Variants in PRKDC observed in about 807,000 individuals in gnomAD.
PRKDC encodes protein kinase, DNA-activated, catalytic subunit.
A neutral mutation model predicts 486.9 loss-of-function variants in PRKDC; 82 were observed. That is an observed-to-expected ratio of 0.17 (90% confidence interval 0.14 to 0.20). The LOEUF (loss-of-function observed/expected upper bound fraction) is 0.20, where lower values mean the gene tolerates loss of function less well. Among genes scored for constraint, PRKDC ranks in the 10% least tolerant of loss-of-function variants. The pLI, the probability that PRKDC is intolerant of heterozygous loss-of-function variation, is 1.00. For synonymous variants in PRKDC, 1,895 were observed against 1,837.0 expected, an observed-to-expected ratio of 1.03 and a Z score of -0.81; for missense variants, 4,504 against 5,038.2, an observed-to-expected ratio of 0.89 and a Z score of 3.21.
At chr8:47,915,653 T>A (rs2089971991) in intron 22 of PRKDC, among the ~76,000 whole-genome samples, 1 of 152,218 alleles carries the variant, frequency 6.6e-6, no homozygotes, top group Non-Finnish European at 1.5e-5. Flanking sequence ...ACACAGAAAC[T>A]ATGTAAATAG....
chr8:47,929,226 CTG>C (rs2090209127), intron 18 of PRKDC, 48 bp from the exon 19 acceptor site: 2 of 1,300,290 alleles, frequency 1.5e-6, no homozygotes, highest in Middle Eastern at 1.8e-4. Flanking sequence ...AATCGGGAGA[CTG>C]TATCCCAATC....
chr8:47,934,240 T>A, intron 14 of PRKDC, 150 bp from the exon 15 acceptor site: 1 of 1,040,506 alleles, frequency 9.6e-7, no homozygotes, highest in South Asian at 2.2e-5. Flanking sequence ...TAAAAAAGCA[T>A]AATTTAAAAA....
At chr8:47,799,484 C>G in intron 71 of PRKDC, 94 bp from the exon 72 acceptor site, 1 of 1,169,014 alleles carries the variant, frequency 8.6e-7, no homozygotes, top group Non-Finnish European at 1.1e-6. Context: ...ATAAATGGAT[C>G]AACAGCTCCA....
At chr8:47,934,685 T>C (rs1415976933) in intron 14 of PRKDC, among the ~76,000 whole-genome samples, 1 of 152,214 alleles carries the variant, frequency 6.6e-6, no homozygotes, top group African/African-American at 2.4e-5. Flanking sequence ...CAATCTTTCA[T>C]CTCATCATAT....
intron 29 of PRKDC, 134 bp from the exon 30 acceptor site, chr8:47,897,428 T>A: frequency 4.7e-6 from 4 of 858,956 alleles, no homozygotes; most frequent in Non-Finnish European, 6.6e-6. Context: ...ATTCGACTTA[T>A]TTTTAATGTA....
intron 26 of PRKDC, among the ~76,000 whole-genome samples, chr8:47,904,129 G>A (rs1168066170): frequency 2.6e-5 from 4 of 152,130 alleles, no homozygotes; most frequent in South Asian, 2.1e-4. Flanking sequence ...GTGAGCTGGC[G>A]ACCAAATTCT....
At position 47,921,028 on chromosome 8, in the gene PRKDC, C is replaced by T. The variant is rs189723000; in HGVS notation, c.2420-2645G>A. ...CAGCACTTTGGGAGGCCGAGGGGGG[C>T]GGATCACGAGGTCAGGAGATCTAGA... On this transcript the variant is annotated intron_variant, in intron 21 of 85. Coordinates refer to ENST00000314191, the MANE Select transcript of PRKDC (RefSeq NM_006904.7). Among the ~76,000 whole-genome samples the T allele has an allele frequency of 2.5e-4, 38 of 152,144 alleles. No homozygotes were observed. The East Asian group carries it at 4.1e-3, about 16-fold the overall frequency.
intron 40 of PRKDC, among the ~76,000 whole-genome samples, chr8:47,867,184 T>C (rs1049765942): frequency 2.6e-5 from 4 of 152,074 alleles, no homozygotes; most frequent in Non-Finnish European, 5.9e-5. Context: ...TTCTATATGC[T>C]GATAGGGCGA....
chr8:47,876,648 C>G lies in PRKDC; in HGVS notation c.5363+1076G>C, dbSNP rs183224487. The stretch of plus-strand genomic sequence containing the variant: ...CGCACTCCAGCCTGGGTTACAGAGC[C>G]AGACTCTGTCTCAAAAAAAAAAAAA... On this transcript the variant is annotated intron_variant, in intron 40 of 85. Transcript: ENST00000314191. Among the ~76,000 whole-genome samples, 1,270 of 150,088 alleles carry G rather than the reference C, an allele frequency of 8.5e-3. 10 individuals carry two copies. Among genetic ancestry groups the G allele is most frequent in the Non-Finnish European group, 0.011 (776 of 67,632 alleles).
chr8:47,896,418 C>T (rs560807944), intron 30 of PRKDC, among the ~76,000 whole-genome samples: 4 of 151,982 alleles, frequency 2.6e-5, no homozygotes, highest in East Asian at 1.9e-4. Context: ...GAGGCCAAGG[C>T]GGGTGGATCA....
At chr8:47,895,968 C>T (rs1027161319) in intron 30 of PRKDC, among the ~76,000 whole-genome samples, 4 of 151,810 alleles carry the variant, frequency 2.6e-5, no homozygotes, top group African/African-American at 4.8e-5. Flanking sequence ...GAACCCAGGG[C>T]GCAGAGGCTG....
At chr8:47,867,968 C>G (rs114708104) in intron 40 of PRKDC, among the ~76,000 whole-genome samples, 130 of 152,212 alleles carry the variant, frequency 8.5e-4, no homozygotes, top group African/African-American at 3.1e-3. Flanking sequence ...TTCCTTTATT[C>G]TATTATATGG....
intron 16 of PRKDC, among the ~76,000 whole-genome samples, chr8:47,932,326 G>A (rs950834873): frequency 6.6e-6 from 1 of 151,928 alleles, no homozygotes; most frequent in South Asian, 2.1e-4. Flanking sequence ...CTTGTGATCC[G>A]CCTGCCTCGG....
chr8:47,778,769 A>T lies in PRKDC; in HGVS notation c.11610T>A (p.Ser3870=), dbSNP rs538157705. 6.2e-7 allele frequency: 1 copy of T among 1,613,838 alleles called. No individual in the cohort carries two copies. Among genetic ancestry groups the T allele is most frequent in the South Asian group, 1.1e-5 (1 of 91,026 alleles). ...GCACTTTACTTTCTCGTTTTCTAAA[A>T]GACGTGACTGTTTCAGTACGATTAG... ...KGANRTETVT[S]FRKRESKVPA... is the part of the protein sequence containing the mutation. The change falls in exon 82 of 86, where the codon TCT becomes TCA. Residue 3870 remains serine (S), a synonymous_variant. Coordinates refer to ENST00000314191, the MANE Select transcript of PRKDC (RefSeq NM_006904.7).
intron 76 of PRKDC, among the ~76,000 whole-genome samples, chr8:47,786,793 G>A (rs952404165): frequency 7.5e-6 from 1 of 134,120 alleles, no homozygotes; most frequent in African/African-American, 2.8e-5. Flanking sequence ...GCGGTGGTGC[G>A]ATCTCGGCTC....
chr8:47,798,183 G>A lies in PRKDC; in HGVS notation c.10458+54C>T, dbSNP rs190364377. The A allele has an allele frequency of 7.3e-5, 113 of 1,555,072 alleles. 1 individual carries two copies. In the East Asian group the frequency reaches 1.8e-3, roughly 24 times the overall value. ...CTAACGCGTTTGAATATAAATAAGCGTATCTTTAAGTTCTGTAAAGTTCCT... is the reference window on the plus strand; with the variant it reads ...CTAACGCGTTTGAATATAAATAAGCATATCTTTAAGTTCTGTAAAGTTCCT... On this transcript the variant is annotated intron_variant, in intron 73 of 85. Coordinates refer to ENST00000314191, the MANE Select transcript of PRKDC (RefSeq NM_006904.7).
Position 47,952,050 on chromosome 8 carries a change from G to A in PRKDC, c.721+1570C>T, listed in dbSNP as rs191841149. Among the ~76,000 whole-genome samples the A allele has an allele frequency of 2.6e-5, 4 of 152,314 alleles. No individual in the cohort carries two copies. In the East Asian group the frequency reaches 7.7e-4, roughly 29 times the overall value. ...AATGCTGCAGCTACTGTGAAAAACA[G>A]TATGACGATTTCTCAGAAAATTAAA... On this transcript the variant is annotated intron_variant, in intron 7 of 85. Coordinates refer to ENST00000314191, the MANE Select transcript of PRKDC (RefSeq NM_006904.7).
chr8:47,819,351 A>G, intron 67 of PRKDC, 51 bp downstream of exon 67: 1 of 1,221,080 alleles, frequency 8.2e-7, no homozygotes, highest in Non-Finnish European at 1.1e-6. Flanking sequence ...TTAGATGCTA[A>G]AACTCTTCCA....
chr8:47,864,315 T>C (rs1164358198), intron 41 of PRKDC, among the ~76,000 whole-genome samples: 1 of 152,118 alleles, frequency 6.6e-6, no homozygotes, highest in Non-Finnish European at 1.5e-5. Flanking sequence ...AACACTGTGA[T>C]GTCAGCCCAG....
Sources: allele counts gnomAD v4.1 joint callset (sites outside exome capture counted in the v4.1 genomes callset), GRCh38; gene constraint gnomAD v4.1.1; transcripts MANE v1.5; gene names NCBI Gene and HGNC (gene_info 2026-07-23, HGNC 2026-07-21).